PITPNM3: variants seen among roughly 807,000 people sequenced by gnomAD.
PITPNM3 encodes the protein membrane-associated phosphatidylinositol transfer protein 3.
Under a neutral mutation model 102.0 loss-of-function variants are expected in PITPNM3, and 26 were observed. That is an observed-to-expected ratio of 0.25 (90% confidence interval 0.19 to 0.35). The LOEUF is 0.35. PITPNM3 is among the 10% of genes least tolerant of loss of function. PITPNM3 has a pLI of 1.00. For synonymous variants in PITPNM3, 578 were observed against 558.6 expected, an observed-to-expected ratio of 1.03 and a Z score of -0.49; for missense variants, 1,083 against 1,346.1, an observed-to-expected ratio of 0.80 and a Z score of 3.06.
At chr17:6,496,349 C>T (rs1906818572) in intron 4 of PITPNM3, among the ~76,000 whole-genome samples, 1 of 152,128 alleles carries the variant, frequency 6.6e-6, no homozygotes, top group Non-Finnish European at 1.5e-5. Context: ...CTCCGCTCTC[C>T]CACACTCGCC....
intron 17 of PITPNM3, among the ~76,000 whole-genome samples, chr17:6,462,663 C>T (rs1181081057): frequency 2.0e-5 from 3 of 152,200 alleles, no homozygotes; most frequent in Non-Finnish European, 4.4e-5. Flanking sequence ...TAAGCCCAGA[C>T]CTGGTTGGGC....
chr17:6,556,367 C>G lies in PITPNM3; in HGVS notation c.22+18G>C, dbSNP rs1372194346. 2 of 1,397,876 alleles carry G rather than the reference C, an allele frequency of 1.4e-6. No individual in the cohort carries two copies. Among genetic ancestry groups the G allele is most frequent in the Non-Finnish European group, 1.9e-6 (2 of 1,073,156 alleles). The allele number at this position is 1,397,876 out of a possible 1,614,324, so 86.6% of individuals were successfully genotyped here. ...CTCCCCCGGGCCCCGGCCCTGCCCTCCCCGCGCCCGCCCTCACCTGCACGG... is the reference window on the plus strand; with the variant it reads ...CTCCCCCGGGCCCCGGCCCTGCCCTGCCCGCGCCCGCCCTCACCTGCACGG... On this transcript the variant is annotated intron_variant, in intron 1 of 19. Coordinates refer to ENST00000262483, the MANE Select transcript of PITPNM3 (RefSeq NM_031220.4). The surrounding 1 kb of genome is among the most constrained non-coding windows in gnomAD (Gnocchi z 5.2).
intron 12 of PITPNM3, 108 bp downstream of exon 12, chr17:6,471,053 C>T (rs1905041794): frequency 7.5e-7 from 1 of 1,335,106 alleles, no homozygotes; most frequent in Non-Finnish European, 1.0e-6. Flanking sequence ...TCACCTTCTC[C>T]CTATCCCAGG....
In PITPNM3 at chr17:6,455,267, G is replaced by A. The variant is rs1914035618; in HGVS notation, c.*71C>T. 1.3e-6 allele frequency: 2 copies of A among 1,493,364 alleles called. No individual in the cohort carries two copies. The highest frequency in any genetic ancestry group is 1.8e-6 in the Non-Finnish European group (2 of 1,117,158). The allele number at this position is 1,493,364 out of a possible 1,614,324, so 92.5% of individuals were successfully genotyped here. On this transcript the variant is annotated 3_prime_UTR_variant, in exon 20 of 20. Transcript: ENST00000262483. Reference sequence around the variant, plus strand: ...GGAAAACGCCTGTGTCGGGGAGAGGGCAGCCCCCTCCCGTCCCCGCAGGCA... The same window carrying A: ...GGAAAACGCCTGTGTCGGGGAGAGGACAGCCCCCTCCCGTCCCCGCAGGCA...
chr17:6,478,169 G>A lies in PITPNM3; in HGVS notation c.778-72C>T. On this transcript the variant is annotated intron_variant, in intron 7 of 19. Coordinates refer to ENST00000262483, the MANE Select transcript of PITPNM3 (RefSeq NM_031220.4). This position sits in a 1 kb window ranked among gnomAD's most constrained non-coding sequence, Gnocchi z 4.4. ...CTCACCCCCACACCCGGCCAGAGCA[G>A]TGCTGCCTCCCCACAGGAGAATGAG... 1.2e-6 allele frequency: 2 copies of A among 1,601,950 alleles called. No homozygotes were observed. Among genetic ancestry groups the A allele is most frequent in the Non-Finnish European group, 1.7e-6 (2 of 1,177,224 alleles).
intron 1 of PITPNM3, among the ~76,000 whole-genome samples, chr17:6,538,819 C>A (rs1909583635): frequency 6.6e-6 from 1 of 152,208 alleles, no homozygotes; most frequent in Non-Finnish European, 1.5e-5. Context: ...TGACAATAAA[C>A]AAGCATGGGG....
chr17:6,489,969 A>G (rs527797895), intron 4 of PITPNM3, among the ~76,000 whole-genome samples: 2 of 151,938 alleles, frequency 1.3e-5, no homozygotes, highest in East Asian at 3.9e-4. Flanking sequence ...ACACCACTGC[A>G]CTCCAGCCTG....
At chr17:6,464,079 G>T in intron 16 of PITPNM3, 91 bp downstream of exon 16, 1 of 1,594,540 alleles carries the variant, frequency 6.3e-7, no homozygotes. Context: ...GGCCCACAAA[G>T]AACCCCAAGG....
chr17:6,496,572 T>A (rs1055587696), intron 4 of PITPNM3, among the ~76,000 whole-genome samples: 5 of 152,212 alleles, frequency 3.3e-5, no homozygotes, highest in African/African-American at 1.2e-4. Context: ...CTGGGGTTAA[T>A]CCTCACGCTT....
rs1206033866 is a variant in PITPNM3 at position 6,478,609 on chromosome 17, G to A, written c.715C>T (p.Arg239Ter). ...YQDAVATVIE[R>*]ANQVYREFLK... ...AACTCTCTGTAGACCTGGTTGGCTCGCTCGATGACGGTGGCGACAGCATCC... is the reference window on the plus strand; with the variant it reads ...AACTCTCTGTAGACCTGGTTGGCTCACTCGATGACGGTGGCGACAGCATCC... Residue 239 changes from arginine (R) to a stop codon, truncating the protein, a stop_gained, in exon 7 of 20, where the codon CGA becomes TGA. Coordinates refer to ENST00000262483, the MANE Select transcript of PITPNM3 (RefSeq NM_031220.4). LOFTEE classifies it high-confidence loss of function. This position sits in a 1 kb window ranked among gnomAD's most constrained non-coding sequence, Gnocchi z 4.4. 3.7e-6 allele frequency: 6 copies of A among 1,614,082 alleles called. No individual in the cohort carries two copies. Among genetic ancestry groups the A allele is most frequent in the African/African-American group, 1.3e-5 (1 of 75,040 alleles).
intron 6 of PITPNM3, among the ~76,000 whole-genome samples, chr17:6,482,676 T>C (rs185580994): frequency 3.2e-4 from 48 of 152,252 alleles, no homozygotes. Context: ...TGGGATCTGA[T>C]GCTATCTCCA....
At position 6,505,192 on chromosome 17, in the gene PITPNM3, T is replaced by TAA. The variant is rs1180018155; in HGVS notation, c.227-1620_227-1619dup. On this transcript the variant is annotated intron_variant, in intron 3 of 19. Transcript: ENST00000262483. Reference sequence around the variant, plus strand: ...CTCCGTCTCCAAAAAAGAAGACAAATAAAATATATATATATATATATATGT... The same window carrying TAA: ...CTCCGTCTCCAAAAAAGAAGACAAATAAAAAATATATATATATATATATATGT... 3.8e-4 allele frequency among the ~76,000 whole-genome samples: 26 copies of TAA among 68,704 alleles called. 1 individual carries two copies. Among genetic ancestry groups the TAA allele is most frequent in the African/African-American group, 1.0e-3 (21 of 20,086 alleles). The allele number at this position is 68,704 out of a possible 152,430, so 45.1% of individuals were successfully genotyped here. A position where few individuals can be genotyped will look rare whatever the true frequency, so the allele number is the denominator to read the frequency against.
chr17:6,555,769 C>A (rs1236099494), intron 1 of PITPNM3, among the ~76,000 whole-genome samples: 2 of 152,238 alleles, frequency 1.3e-5, no homozygotes, highest in African/African-American at 2.4e-5. Flanking sequence ...CCGTCTGAGC[C>A]TGGGGGAGGG....
chr17:6,496,388 G>C (rs900447568), intron 4 of PITPNM3, among the ~76,000 whole-genome samples: 13 of 151,860 alleles, frequency 8.6e-5, no homozygotes, highest in African/African-American at 3.1e-4. Flanking sequence ...GCCAGTTTTC[G>C]CACATCCCCT....
Position 6,472,007 on chromosome 17 carries a change from G to A in PITPNM3, c.1429+650C>T, listed in dbSNP as rs1274499665. Among the ~76,000 whole-genome samples the A allele has an allele frequency of 1.3e-5, 2 of 152,212 alleles. No homozygotes were observed. The highest frequency in any genetic ancestry group is 2.1e-4 in the South Asian group (1 of 4,834). On this transcript the variant is annotated intron_variant, in intron 11 of 19. Coordinates refer to ENST00000262483, the MANE Select transcript of PITPNM3 (RefSeq NM_031220.4). This position sits in a 1 kb window ranked among gnomAD's most constrained non-coding sequence, Gnocchi z 4.1. ...TCCCCCATCCCTGACGCAAACCTCT[G>A]AGCAGGCTTAGGCTAAATTTCCTCA...
intron 3 of PITPNM3, among the ~76,000 whole-genome samples, chr17:6,515,501 T>C (rs376215000): frequency 5.9e-5 from 9 of 151,998 alleles, no homozygotes; most frequent in African/African-American, 1.9e-4. Context: ...CCACACTGAA[T>C]TGTACATTTT....
chr17:6,478,499 G>A lies in PITPNM3; in HGVS notation c.777+48C>T, dbSNP rs201696609. The A allele has an allele frequency of 2.6e-5, 42 of 1,602,940 alleles. No homozygotes were observed. The highest frequency in any genetic ancestry group is 1.6e-4 in the Middle Eastern group (1 of 6,062). On this transcript the variant is annotated intron_variant, in intron 7 of 19. Coordinates refer to ENST00000262483, the MANE Select transcript of PITPNM3 (RefSeq NM_031220.4). This position sits in a 1 kb window ranked among gnomAD's most constrained non-coding sequence, Gnocchi z 4.4. ...TAGATTCCAGCCTCTCTCCCAGGCC[G>A]GGGCCGGAACAGGGGAGGGGAGAGG...
Position 6,468,171 on chromosome 17 carries a change from C to T in PITPNM3, c.1890+54G>A. ...TGGATGCCCCAGCCCCCGGGCCAGC[C>T]CCACCTCCCGGAGGACACAGTCCCA... is the stretch of plus-strand genomic sequence containing the variant. On this transcript the variant is annotated intron_variant, in intron 14 of 19. Transcript: ENST00000262483. This position sits in a 1 kb window ranked among gnomAD's most constrained non-coding sequence, Gnocchi z 5.2. 6.4e-7 allele frequency: 1 copy of T among 1,568,670 alleles called. No individual in the cohort carries two copies. The highest frequency in any genetic ancestry group is 8.8e-7 in the Non-Finnish European group (1 of 1,141,696).
intron 6 of PITPNM3, chr17:6,481,488 T>A (rs907780887): frequency 6.6e-6 from 1 of 152,288 alleles, no homozygotes; most frequent in Non-Finnish European, 1.5e-5. Context: ...GGTTATTTAC[T>A]ATGGCTACCT....
Sources: gnomAD v4.1 joint callset for allele counts (sites outside exome capture counted in the v4.1 genomes callset) on GRCh38, gnomAD v4.1.1 for gene constraint, Gnocchi (gnomAD v3.1) non-coding constraint, MANE v1.5 for transcripts, NCBI Gene and HGNC (gene_info 2026-07-23, HGNC 2026-07-21) for gene names.